NCKAP5: variants seen among roughly 807,000 people sequenced by gnomAD.
NCKAP5 encodes NCK associated protein 5.
NCKAP5 carries 92 observed loss-of-function variants against 167.0 expected under a neutral mutation model. The ratio of observed to expected loss-of-function variants is 0.55; its 90% CI spans 0.47 to 0.66. The LOEUF (loss-of-function observed/expected upper bound fraction) is 0.66. NCKAP5 is among the 30% of genes least tolerant of loss of function. The pLI is 0.00. For synonymous variants in NCKAP5, 891 were observed against 877.4 expected, an observed-to-expected ratio of 1.02 and a Z score of -0.27; for missense variants, 2,378 against 2,315.0, an observed-to-expected ratio of 1.03 and a Z score of -0.56.
intron 5 of NCKAP5, among the ~76,000 whole-genome samples, chr2:133,172,657 G>A (rs1351275095): frequency 1.3e-5 from 2 of 151,470 alleles, no homozygotes; most frequent in East Asian, 3.9e-4. Flanking sequence ...TTTTGTTGTT[G>A]TTGTTTTTGA....
At chr2:132,976,802 TA>T (rs1432321207) in intron 7 of NCKAP5, among the ~76,000 whole-genome samples, 1 of 151,588 alleles carries the variant, frequency 6.6e-6, no homozygotes. Flanking sequence ...TAAAACAAAA[TA>T]AAAAAAATTC....
At chr2:132,972,589 T>C (rs995224533) in intron 7 of NCKAP5, among the ~76,000 whole-genome samples, 1 of 151,550 alleles carries the variant, frequency 6.6e-6, no homozygotes, top group Non-Finnish European at 1.5e-5. Flanking sequence ...TGGCCAGGCA[T>C]GGTGGCTCAC....
At chr2:132,823,085 G>A (rs1034742555) in intron 11 of NCKAP5, among the ~76,000 whole-genome samples, 4 of 152,180 alleles carry the variant, frequency 2.6e-5, no homozygotes, top group African/African-American at 9.7e-5. Context: ...AAGAATAATT[G>A]ATGTCCCTGA....
At chr2:133,329,909 G>A (rs1682713301) in intron 3 of NCKAP5, among the ~76,000 whole-genome samples, 1 of 151,984 alleles carries the variant, frequency 6.6e-6, no homozygotes, top group Admixed American at 6.6e-5. Context: ...TGAGGAATCT[G>A]AGTTTTTTAA....
chr2:133,411,216 G>A (rs1688751412), intron 3 of NCKAP5, among the ~76,000 whole-genome samples: 1 of 152,208 alleles, frequency 6.6e-6, no homozygotes, highest in Non-Finnish European at 1.5e-5. Flanking sequence ...GTCACATATA[G>A]CAGTAGTAGC....
intron 3 of NCKAP5, among the ~76,000 whole-genome samples, chr2:133,436,847 T>C (rs1690517015): frequency 6.6e-6 from 1 of 152,130 alleles, no homozygotes; most frequent in African/African-American, 2.4e-5. Flanking sequence ...GAGCCCGTTT[T>C]CTCAGAGCAT....
intron 7 of NCKAP5, among the ~76,000 whole-genome samples, chr2:132,978,011 CT>C (rs2077026279): frequency 6.6e-6 from 1 of 152,134 alleles, no homozygotes; most frequent in African/African-American, 2.4e-5. Context: ...AAGCAAAGAG[CT>C]ACTTGGCGAA....
chr2:133,524,844 G>A (rs1363399006), intron 2 of NCKAP5, among the ~76,000 whole-genome samples: 1 of 152,106 alleles, frequency 6.6e-6, no homozygotes, highest in Non-Finnish European at 1.5e-5. Flanking sequence ...ACAGCTATTT[G>A]TGGTATAAAT....
chr2:133,106,661 G>A (rs974069561), intron 6 of NCKAP5, among the ~76,000 whole-genome samples: 1 of 152,174 alleles, frequency 6.6e-6, no homozygotes, highest in Admixed American at 6.5e-5. Flanking sequence ...GGGAAGTGGT[G>A]AGGCAGAACT....
At chr2:133,188,099 C>A (rs1266298819) in intron 5 of NCKAP5, among the ~76,000 whole-genome samples, 2 of 152,054 alleles carry the variant, frequency 1.3e-5, no homozygotes, top group Non-Finnish European at 2.9e-5. Context: ...CATGTTTTTG[C>A]AGTTGCTGGT....
rs375442324 is a variant in NCKAP5 at position 133,180,112 on chromosome 2, TA to T, written c.207+33603del. On this transcript the variant is annotated intron_variant, in intron 5 of 19. Transcript: ENST00000409261. ...GAGGAATGACACCATACCTACAGGG[TA>T]AAACACTTGCATTAGGAATCTTGGA... Among the ~76,000 whole-genome samples the T allele has an allele frequency of 1.4e-4, 22 of 151,844 alleles. 2 individuals carry two copies. In the South Asian group the frequency reaches 4.2e-3, roughly 29 times the overall value.
At chr2:132,790,236 C>T (rs1305145436) in intron 12 of NCKAP5, 31 bp from the exon 13 acceptor site, 4 of 1,588,378 alleles carry the variant, frequency 2.5e-6, no homozygotes, top group Non-Finnish European at 2.6e-6. Flanking sequence ...TGAGCAAGGG[C>T]TTTGCTCAGA....
At chr2:132,885,641 C>T (rs541348839) in intron 8 of NCKAP5, among the ~76,000 whole-genome samples, 80 of 152,286 alleles carry the variant, frequency 5.3e-4, no homozygotes, top group African/African-American at 1.8e-3. Context: ...GTTTGGTTTA[C>T]TGTGGAAAAG....
At chr2:133,311,574 T>G (rs1681233462) in intron 3 of NCKAP5, among the ~76,000 whole-genome samples, 1 of 152,162 alleles carries the variant, frequency 6.6e-6, no homozygotes, top group African/African-American at 2.4e-5. Context: ...TTTAATCACA[T>G]GTTTGGCTCT....
chr2:133,220,215 A>G (rs1023858552), intron 4 of NCKAP5, among the ~76,000 whole-genome samples: 8 of 152,342 alleles, frequency 5.3e-5, no homozygotes, highest in Admixed American at 4.6e-4. Context: ...GTTTGTGGCA[A>G]AGCCAGTAGC....
At chr2:133,055,339 CAG>C (rs1285255242) in intron 6 of NCKAP5, among the ~76,000 whole-genome samples, 2 of 151,964 alleles carry the variant, frequency 1.3e-5, no homozygotes, top group Non-Finnish European at 1.5e-5. Flanking sequence ...GAGCTGAGAA[CAG>C]AGAGTGAGTT....
intron 6 of NCKAP5, chr2:133,123,362 C>T (rs1311688892): frequency 6.3e-6 from 1 of 159,912 alleles, no homozygotes; most frequent in African/African-American, 2.4e-5. Flanking sequence ...CATGCTAGAT[C>T]ACTAAGATAC....
At chr2:132,870,886 C>T (rs1344172347) in intron 9 of NCKAP5, among the ~76,000 whole-genome samples, 1 of 151,836 alleles carries the variant, frequency 6.6e-6, no homozygotes, top group East Asian at 1.9e-4. Context: ...AAGGCAATCA[C>T]ACCACAAGCA....
chr2:132,940,477 C>A (rs1339476605), intron 8 of NCKAP5, among the ~76,000 whole-genome samples: 1 of 152,074 alleles, frequency 6.6e-6, no homozygotes, highest in East Asian at 1.9e-4. Flanking sequence ...GGGTTATGAC[C>A]TGTAAATCCT....
Sources: gnomAD v4.1 joint callset for allele counts (sites outside exome capture counted in the v4.1 genomes callset) on GRCh38, gnomAD v4.1.1 for gene constraint, MANE v1.5 for transcripts, NCBI Gene and HGNC (gene_info 2026-07-23, HGNC 2026-07-21) for gene names.